RIIAD1: variants seen among roughly 807,000 people sequenced by gnomAD.
The protein encoded by RIIAD1 is regulatory subunit of type II PKA R-subunit domain containing 1.
In RIIAD1, 15 loss-of-function variants were observed where a neutral mutation model predicts 13.3. That is an observed-to-expected ratio of 1.13 (90% CI 0.76 to 1.74). RIIAD1 has a LOEUF of 1.74. RIIAD1 is among the 40% of genes most tolerant of loss of function. RIIAD1 has a pLI of 0.00. For synonymous variants in RIIAD1, 50 were observed against 43.3 expected (o/e 1.16, Z -0.61); for missense variants, 121 against 112.2 (o/e 1.08, Z -0.35).
Position 151,728,910 on chromosome 1 carries a change from C to CT in RIIAD1, c.*57+19dup. 1 of 799,038 alleles carries CT rather than the reference C, an allele frequency of 1.3e-6. No individual in the cohort carries two copies. 49.5% of individuals were successfully genotyped at this position (799,038 alleles called of 1,614,324 possible). A position where few individuals can be genotyped will look rare whatever the true frequency, so the allele number is the denominator to read the frequency against. On this transcript the variant is annotated intron_variant, in intron 4 of 4. Transcript: ENST00000479191. Reference sequence around the variant, plus strand: ...AGCCTCGGGGTGGGTGTTAACCTCACTTACAGACAGAGGCTTCTTTACTCT... The same window carrying CT: ...AGCCTCGGGGTGGGTGTTAACCTCACTTTACAGACAGAGGCTTCTTTACTCT...
chr1:151,718,277 C>A (rs749304008), upstream of RIIAD1, among the ~76,000 whole-genome samples: 3 of 152,156 alleles, frequency 2.0e-5, no homozygotes, highest in Non-Finnish European at 4.4e-5. Context: ...TCACCACCCC[C>A]CTATGATGTA....
At chr1:151,713,867 G>A (rs544139790) in intron 3 of RIIAD1, among the ~76,000 whole-genome samples, 2 of 152,342 alleles carry the variant, frequency 1.3e-5, no homozygotes, top group South Asian at 4.1e-4. Flanking sequence ...AATCAGCAAG[G>A]CTGGCTGGGA....
intron 2 of RIIAD1, among the ~76,000 whole-genome samples, chr1:151,724,077 T>C (rs987262761): frequency 6.6e-6 from 1 of 152,236 alleles, no homozygotes; most frequent in Non-Finnish European, 1.5e-5. Context: ...TTGGGGTTGA[T>C]GAATAAGAAT....
intron 2 of RIIAD1, among the ~76,000 whole-genome samples, chr1:151,712,901 G>GTGCATGCACACACACTCA (rs1673142507): frequency 6.6e-6 from 1 of 152,034 alleles, no homozygotes; most frequent in Non-Finnish European, 1.5e-5. Context: ...ACACATGCGT[G>GTGCATGCACACACACTCA]TGCATGCACA....
intron 3 of RIIAD1, chr1:151,714,366 GCTC>G (rs1436832067): frequency 1.6e-6 from 1 of 619,910 alleles, no homozygotes; most frequent in African/African-American, 1.8e-5. Context: ...GGCTGCATCT[GCTC>G]CTGGTAAAAG....
At chr1:151,714,666 G>A in intron 4 of RIIAD1, 3 of 1,559,152 alleles carry the variant, frequency 1.9e-6, no homozygotes, top group Non-Finnish European at 2.6e-6. Context: ...AGTATGTCAG[G>A]AAGGCACATC....
chr1:151,722,906 A>G (rs1295403461), intron 2 of RIIAD1, among the ~76,000 whole-genome samples: 1 of 152,220 alleles, frequency 6.6e-6, no homozygotes, highest in Non-Finnish European at 1.5e-5. Context: ...CACCTCCACA[A>G]AAGACAGGTG....
chr1:151,724,509 G>T (rs1430851329), intron 2 of RIIAD1, among the ~76,000 whole-genome samples: 3 of 152,218 alleles, frequency 2.0e-5, no homozygotes, highest in Non-Finnish European at 4.4e-5. Flanking sequence ...GCCTGTCCTT[G>T]TCTGTTCTGC....
At chr1:151,719,499 T>G, upstream of RIIAD1, 1 of 617,744 alleles carries the variant, frequency 1.6e-6, no homozygotes, top group Non-Finnish European at 2.9e-6. Flanking sequence ...AAATGCTGGA[T>G]AATTGGGATA....
At chr1:151,711,629 G>T (rs1341110803) in intron 1 of RIIAD1, among the ~76,000 whole-genome samples, 1 of 152,224 alleles carries the variant, frequency 6.6e-6, no homozygotes, top group African/African-American at 2.4e-5. Context: ...CGTGTCGTGG[G>T]GGCAGATGCT....
chr1:151,714,525 G>C, exon 4 of RIIAD1: 1 of 1,098,266 alleles, frequency 9.1e-7, no homozygotes, highest in African/African-American at 1.6e-5. Context: ...AGTGTCAGGA[G>C]GGTGGTGAGC....
At chr1:151,714,457 G>A (rs1673288473) in exon 4 of RIIAD1, 1 of 726,040 alleles carries the variant, frequency 1.4e-6, no homozygotes, top group South Asian at 1.5e-5. Flanking sequence ...AAGAAAGATG[G>A]ATGCTACAGA....
chr1:151,714,264 C>T (rs1160373751), intron 3 of RIIAD1, among the ~76,000 whole-genome samples: 2 of 152,206 alleles, frequency 1.3e-5, no homozygotes, highest in Non-Finnish European at 2.9e-5. Flanking sequence ...CCCTGATCCA[C>T]ACTTGGTGTC....
chr1:151,725,578 A>G (rs1429227546), intron 2 of RIIAD1, among the ~76,000 whole-genome samples: 1 of 152,204 alleles, frequency 6.6e-6, no homozygotes, highest in Non-Finnish European at 1.5e-5. Context: ...GAACCTTACC[A>G]ACACCTCACA....
chr1:151,718,679 C>T (rs371207525), upstream of RIIAD1, among the ~76,000 whole-genome samples: 6 of 152,240 alleles, frequency 3.9e-5, no homozygotes, highest in South Asian at 6.2e-4. Context: ...GCCCGGGTCC[C>T]CCAAGTAGGG....
intron 2 of RIIAD1, among the ~76,000 whole-genome samples, chr1:151,724,918 G>A (rs1480716720): frequency 6.6e-6 from 1 of 150,712 alleles, no homozygotes; most frequent in Non-Finnish European, 1.5e-5. Flanking sequence ...TCCTGCCTCA[G>A]CCTCCTGAGT....
intron 1 of RIIAD1, chr1:151,721,855 AT>A: frequency 1.7e-6 from 1 of 585,964 alleles, no homozygotes; most frequent in East Asian, 2.8e-5. Context: ...GGCCAGAGAA[AT>A]GGGCCGAAAT....
chr1:151,714,104 C>A (rs1412990131), intron 3 of RIIAD1, among the ~76,000 whole-genome samples: 1 of 152,182 alleles, frequency 6.6e-6, no homozygotes, highest in Non-Finnish European at 1.5e-5. Context: ...TCCTGGGAGA[C>A]AGAAGGGAGA....
chr1:151,728,596 G>A, intron 3 of RIIAD1, 170 bp from the exon 4 acceptor site: 1 of 603,636 alleles, frequency 1.7e-6, no homozygotes. Flanking sequence ...CTCGGGTGGG[G>A]GCAGTGACCG....
Sources: allele counts gnomAD v4.1 joint callset (sites outside exome capture counted in the v4.1 genomes callset), GRCh38; gene constraint gnomAD v4.1.1; transcripts MANE v1.5; gene names NCBI Gene and HGNC (gene_info 2026-07-23, HGNC 2026-07-21).